Variants in NRXN3 observed in about 807,000 individuals in gnomAD.
NRXN3 encodes the protein neurexin III.
Under a neutral mutation model 137.6 loss-of-function variants are expected in NRXN3, and 32 were observed. That is an observed-to-expected ratio of 0.23 (90% confidence interval 0.18 to 0.31). The LOEUF is 0.31. NRXN3 is among the 10% of genes least tolerant of loss of function. The pLI is 1.00. For missense variants in NRXN3, 1,574 were observed against 2,062.5 expected (o/e 0.76, Z 4.59); for synonymous variants, 798 against 784.5 (o/e 1.02, Z -0.29).
At chr14:79,787,777 A>G (rs2099133713) in intron 19 of NRXN3, among the ~76,000 whole-genome samples, 1 of 152,176 alleles carries the variant, frequency 6.6e-6, no homozygotes, top group South Asian at 2.1e-4. Flanking sequence ...GTGTATATAT[A>G]TATCACATTT....
intron 6 of NRXN3, among the ~76,000 whole-genome samples, chr14:78,680,048 A>G (rs2098057522): frequency 6.6e-6 from 1 of 152,156 alleles, no homozygotes; most frequent in Non-Finnish European, 1.5e-5. Context: ...AATTACATAT[A>G]ATTACATATT....
At chr14:79,561,437 A>G (rs1337228613) in intron 16 of NRXN3, among the ~76,000 whole-genome samples, 1 of 152,172 alleles carries the variant, frequency 6.6e-6, no homozygotes, top group African/African-American at 2.4e-5. Context: ...GGGCAATTGC[A>G]CAAATCTGCC....
chr14:79,358,432 G>C (rs2093510232), intron 15 of NRXN3, among the ~76,000 whole-genome samples: 1 of 151,624 alleles, frequency 6.6e-6, no homozygotes. Context: ...AAATCAGCCA[G>C]GCATGGTGGC....
intron 10 of NRXN3, among the ~76,000 whole-genome samples, chr14:78,821,463 G>A (rs1279664213): frequency 6.6e-6 from 1 of 152,116 alleles, no homozygotes; most frequent in African/African-American, 2.4e-5. Context: ...ACTGACCAGA[G>A]TGACAATGCC....
At chr14:78,622,826 A>G (rs1407080738) in intron 4 of NRXN3, among the ~76,000 whole-genome samples, 1 of 152,220 alleles carries the variant, frequency 6.6e-6, no homozygotes, top group African/African-American at 2.4e-5. Context: ...AAACTTTGCA[A>G]AGCAGAAGCT....
intron 10 of NRXN3, among the ~76,000 whole-genome samples, chr14:78,938,390 TG>T (rs2099346113): frequency 6.6e-6 from 1 of 152,214 alleles, no homozygotes; most frequent in South Asian, 2.1e-4. Flanking sequence ...CTTTACCTGA[TG>T]TTTTTAGTTT....
At chr14:79,571,265 AT>A (rs1443922925) in intron 16 of NRXN3, among the ~76,000 whole-genome samples, 1 of 152,146 alleles carries the variant, frequency 6.6e-6, no homozygotes, top group Non-Finnish European at 1.5e-5. Context: ...CAAATGGACT[AT>A]TTTACAATCC....
At chr14:79,100,678 A>G (rs2051115516) in intron 15 of NRXN3, among the ~76,000 whole-genome samples, 1 of 152,224 alleles carries the variant, frequency 6.6e-6, no homozygotes, top group African/African-American at 2.4e-5. Context: ...CTAGGCTATC[A>G]GAATAGGGCA....
chr14:78,666,657 T>G (rs1339303404), intron 6 of NRXN3, among the ~76,000 whole-genome samples: 1 of 152,192 alleles, frequency 6.6e-6, no homozygotes, highest in African/African-American at 2.4e-5. Context: ...CCCTGTATAT[T>G]TCTGACTCAT....
At chr14:79,839,202 G>C (rs1033395742) in intron 20 of NRXN3, among the ~76,000 whole-genome samples, 5 of 151,754 alleles carry the variant, frequency 3.3e-5, no homozygotes, top group Non-Finnish European at 7.4e-5. Flanking sequence ...TGTTTAAAAA[G>C]AAAACAAAAA....
At chr14:78,196,318 T>G (rs2061227112) in intron 1 of NRXN3, among the ~76,000 whole-genome samples, 1 of 152,220 alleles carries the variant, frequency 6.6e-6, no homozygotes, top group Non-Finnish European at 1.5e-5. Flanking sequence ...AAAAGGTAAA[T>G]TATCAGAAAA....
chr14:79,857,380 C>A (rs1467628505), intron 20 of NRXN3, among the ~76,000 whole-genome samples: 1 of 152,086 alleles, frequency 6.6e-6, no homozygotes, highest in African/African-American at 2.4e-5. Context: ...AGCCACTATG[C>A]CTGGCTAATT....
chr14:79,050,923 T>C (rs369098760), intron 15 of NRXN3, among the ~76,000 whole-genome samples: 2 of 152,158 alleles, frequency 1.3e-5, no homozygotes, highest in African/African-American at 4.8e-5. Flanking sequence ...CTGCAGAGAG[T>C]CTAATAATAG....
At position 78,532,333 on chromosome 14, in the gene NRXN3, AAAAAG is replaced by A. The variant is rs368344754; in HGVS notation, c.758-112767_758-112763del. ...CGAAACTCCATCTCAAAAGAAAAAA[AAAAAG>A]AAAAGAAAAGAAAAGAAAAAGAAAA... On this transcript the variant is annotated intron_variant, in intron 4 of 20. Coordinates refer to ENST00000335750, the MANE Select transcript of NRXN3 (RefSeq NM_001330195.2). 1.5e-3 allele frequency among the ~76,000 whole-genome samples: 230 copies of A among 150,142 alleles called. 1 individual carries two copies. The highest frequency in any genetic ancestry group is 8.3e-3 in the South Asian group (39 of 4,716).
chr14:78,268,422 T>C (rs1004667), intron 2 of NRXN3, among the ~76,000 whole-genome samples: 101,302 of 152,032 alleles, frequency 0.67, 34,497 homozygotes, highest in Middle Eastern at 0.77. Context: ...CCACGCAGCA[T>C]TGGACGTTGT....
chr14:79,240,309 C>T (rs922217482), intron 15 of NRXN3, among the ~76,000 whole-genome samples: 1 of 151,942 alleles, frequency 6.6e-6, no homozygotes, highest in Non-Finnish European at 1.5e-5. Context: ...GCACTCCTGC[C>T]CCCACCCCAG....
intron 10 of NRXN3, among the ~76,000 whole-genome samples, chr14:78,853,020 A>G (rs1246252852): frequency 2.6e-5 from 4 of 152,044 alleles, no homozygotes; most frequent in African/African-American, 9.7e-5. Flanking sequence ...ACAGAATCTC[A>G]TTCATTTTTA....
At chr14:78,741,799 C>T (rs541146349) in intron 8 of NRXN3, among the ~76,000 whole-genome samples, 2 of 152,170 alleles carry the variant, frequency 1.3e-5, no homozygotes, top group South Asian at 2.1e-4. Context: ...AAACTTGGTA[C>T]CCTTGGACTC....
At chr14:78,511,838 A>G (rs6574451) in intron 4 of NRXN3, among the ~76,000 whole-genome samples, 63,416 of 151,828 alleles carry the variant, frequency 0.42, 13,440 homozygotes, top group East Asian at 0.5. Flanking sequence ...CAGGACTTCC[A>G]GCTCCCAGGC....
Sources: allele counts gnomAD v4.1 joint callset (sites outside exome capture counted in the v4.1 genomes callset), GRCh38; gene constraint gnomAD v4.1.1; transcripts MANE v1.5; gene names NCBI Gene and HGNC (gene_info 2026-07-23, HGNC 2026-07-21).